TASP1: variants seen among roughly 807,000 people sequenced by gnomAD.
The protein encoded by TASP1 is threonine aspartase 1.
TASP1 carries 16 observed loss-of-function variants against 56.6 expected under a neutral mutation model. The observed-to-expected ratio is 0.28, with a 90% CI of 0.19 to 0.43. The LOEUF (loss-of-function observed/expected upper bound fraction) is 0.43. Among genes scored for constraint, TASP1 ranks in the 20% least tolerant of loss-of-function variants. The pLI is 1.00. For synonymous variants in TASP1, 179 were observed against 184.2 expected, an observed-to-expected ratio of 0.97 and a Z score of 0.23; for missense variants, 393 against 511.6, an observed-to-expected ratio of 0.77 and a Z score of 2.24.
chr20:13,119,649 C>T, the TASP1 span, among the ~76,000 whole-genome samples: 371 of 152,214 alleles, frequency 2.4e-3, 1 homozygote, highest in Admixed American at 4.0e-3. Context: ...CCCCACCTTT[C>T]TCTGTCTTCT....
intron 4 of TASP1, among the ~76,000 whole-genome samples, chr20:13,602,310 TC>T (rs1430674478): frequency 1.3e-5 from 2 of 152,142 alleles, no homozygotes; most frequent in Non-Finnish European, 2.9e-5. Flanking sequence ...TGAGAAACTG[TC>T]ACAGCCAAGA....
the TASP1 span, among the ~76,000 whole-genome samples, chr20:13,214,655 A>G: frequency 6.6e-6 from 1 of 152,200 alleles, no homozygotes; most frequent in Non-Finnish European, 1.5e-5. Context: ...ATTGAAACCT[A>G]ACCACAGAAC....
the TASP1 span, among the ~76,000 whole-genome samples, chr20:13,381,008 G>C: frequency 8.5e-5 from 13 of 152,168 alleles, no homozygotes; most frequent in African/African-American, 1.4e-4. Flanking sequence ...TTAGCTTGCT[G>C]GGCTCCATGG....
the TASP1 span, among the ~76,000 whole-genome samples, chr20:13,262,970 C>G: frequency 6.6e-6 from 1 of 152,168 alleles, no homozygotes; most frequent in Non-Finnish European, 1.5e-5. Context: ...ACCGTGACAG[C>G]AGGCTCCATT....
intron 7 of TASP1, among the ~76,000 whole-genome samples, chr20:13,568,450 T>C (rs569122061): frequency 2.6e-4 from 40 of 152,170 alleles, no homozygotes; most frequent in Non-Finnish European, 4.1e-4. Context: ...AATATTTCTT[T>C]CTCATTTTAT....
chr20:13,364,051 C>T, the TASP1 span, among the ~76,000 whole-genome samples: 1 of 151,330 alleles, frequency 6.6e-6, no homozygotes, highest in Non-Finnish European at 1.5e-5. Flanking sequence ...GATATTTTTT[C>T]TTCCAAATAT....
the TASP1 span, among the ~76,000 whole-genome samples, chr20:13,332,209 A>G: frequency 0.16 from 24,605 of 152,102 alleles, 2,706 homozygotes; most frequent in African/African-American, 0.29. Context: ...ATTAAGATCC[A>G]TACATGTGTG....
chr20:13,528,497 T>C lies in TASP1; in HGVS notation c.810A>G (p.Gly270=). 6.2e-7 allele frequency: 1 copy of C among 1,609,502 alleles called. No homozygotes were observed. The highest frequency in any genetic ancestry group is 8.5e-7 in the Non-Finnish European group (1 of 1,177,506). Residue 270 remains glycine (G), a synonymous_variant, in exon 10 of 14, where the codon GGA becomes GGG. Coordinates refer to ENST00000337743, the MANE Select transcript of TASP1 (RefSeq NM_017714.3). ...CAGTATTTTCAGCCCAGCAGCCACA[T>C]CCATAAAGAGCAGCCTGGGGAAAAA... ...PGRVGQAALY[G]CGCWAENTGA... is the part of the protein sequence containing the mutation.
At chr20:13,408,712 AGTTT>A (rs1388595477) in intron 13 of TASP1, among the ~76,000 whole-genome samples, 1 of 152,110 alleles carries the variant, frequency 6.6e-6, no homozygotes, top group African/African-American at 2.4e-5. Context: ...TTTTGTGTTT[AGTTT>A]GTTAAGTTGG....
At chr20:13,238,267 G>C in the TASP1 span, among the ~76,000 whole-genome samples, 2 of 152,140 alleles carry the variant, frequency 1.3e-5, no homozygotes, top group African/African-American at 2.4e-5. Context: ...GGACTAATTT[G>C]AATTATATTT....
chr20:13,189,698 T>G, the TASP1 span, among the ~76,000 whole-genome samples: 1 of 152,192 alleles, frequency 6.6e-6, no homozygotes, highest in Non-Finnish European at 1.5e-5. Context: ...TTATACACTG[T>G]CAATGGGATT....
At chr20:13,416,595 C>G (rs969928721) in intron 13 of TASP1, among the ~76,000 whole-genome samples, 11 of 152,156 alleles carry the variant, frequency 7.2e-5, no homozygotes, top group South Asian at 6.2e-4. Context: ...CTGCTCATAT[C>G]AGAAGTTTTC....
At chr20:13,428,034 A>G (rs571385131) in intron 12 of TASP1, among the ~76,000 whole-genome samples, 1 of 152,314 alleles carries the variant, frequency 6.6e-6, no homozygotes, top group Admixed American at 6.5e-5. Flanking sequence ...GAACTCCAAC[A>G]CAAGCTTGGC....
At chr20:13,563,706 T>C (rs1272898705) in intron 7 of TASP1, among the ~76,000 whole-genome samples, 1 of 151,442 alleles carries the variant, frequency 6.6e-6, no homozygotes, top group Non-Finnish European at 1.5e-5. Context: ...GGCCTCACTA[T>C]GTTGCCCAGG....
the TASP1 span, among the ~76,000 whole-genome samples, chr20:13,353,078 G>T: frequency 2.6e-5 from 4 of 152,062 alleles, no homozygotes; most frequent in Non-Finnish European, 5.9e-5. Flanking sequence ...ATATACAAAA[G>T]AAATTAAAAT....
chr20:13,543,878 G>C (rs2045711549), intron 8 of TASP1, among the ~76,000 whole-genome samples: 1 of 152,120 alleles, frequency 6.6e-6, no homozygotes, highest in South Asian at 2.1e-4. Context: ...CTTATCTAAA[G>C]CAGTTTTCTA....
intron 10 of TASP1, among the ~76,000 whole-genome samples, chr20:13,516,468 G>C (rs1362234405): frequency 4.6e-5 from 7 of 152,050 alleles, no homozygotes; most frequent in African/African-American, 1.7e-4. Flanking sequence ...CCCTGTTTCT[G>C]TGAACCATAT....
At chr20:13,175,889 A>G in the TASP1 span, among the ~76,000 whole-genome samples, 1 of 152,234 alleles carries the variant, frequency 6.6e-6, no homozygotes. Context: ...CAGAAACCAT[A>G]ACAATAGATA....
the TASP1 span, among the ~76,000 whole-genome samples, chr20:13,378,431 C>A: frequency 6.6e-6 from 1 of 152,000 alleles, no homozygotes; most frequent in East Asian, 1.9e-4. Flanking sequence ...GTACTGTGGT[C>A]TGAGAGACTG....
Sources: allele counts gnomAD v4.1 joint callset (sites outside exome capture counted in the v4.1 genomes callset), GRCh38; gene constraint gnomAD v4.1.1; transcripts MANE v1.5; gene names NCBI Gene and HGNC (gene_info 2026-07-23, HGNC 2026-07-21).